Variants in GOLGA8O observed in about 807,000 individuals in gnomAD.
The protein encoded by GOLGA8O is golgin subfamily A member 8O.
GOLGA8O carries 4 observed loss-of-function variants against 29.7 expected under a neutral mutation model. The observed-to-expected ratio is 0.13, with a 90% CI of 0.07 to 0.31. GOLGA8O has a LOEUF of 0.31. Among genes scored for constraint, GOLGA8O ranks in the 10% least tolerant of loss-of-function variants. GOLGA8O has a pLI of 1.00. For missense variants in GOLGA8O, 32 were observed against 216.5 expected (o/e 0.15, Z 5.35); for synonymous variants, 6 against 78.0 (o/e 0.08, Z 4.87).
rs1297631847 is a variant in GOLGA8O, at chr15:32,455,236, C to A, written c.48+253G>T. On this transcript the variant is annotated intron_variant, in intron 1 of 18. Transcript: ENST00000509311. ...GCTTGGGGCGGCAGGAGATGACAGC[C>A]CAGTAATGGAGCGGGAAGCCCCAGG... is the stretch of plus-strand genomic sequence containing the variant. Among the ~76,000 whole-genome samples the A allele has an allele frequency of 2.1e-5, 2 of 94,506 alleles. 1 individual carries two copies. Among genetic ancestry groups the A allele is most frequent in the Non-Finnish European group, 4.4e-5 (2 of 45,292 alleles). 62.0% of individuals were successfully genotyped at this position (94,506 alleles called of 152,430 possible). A position where few individuals can be genotyped will look rare whatever the true frequency, so the allele number is the denominator to read the frequency against.
In GOLGA8O at chr15:32,445,571, CACACCCA is replaced by C; in HGVS notation, c.1567+40_1567+46del. 1.6e-3 allele frequency: 29 copies of C among 17,790 alleles called. 2 individuals carry two copies. The highest frequency in any genetic ancestry group is 9.8e-3 in the East Asian group (5 of 512). The allele number at this position is 17,790 out of a possible 1,614,324, so 1.1% of individuals were successfully genotyped here. ...CCATGCCGCTGCCTGCGCCCACCCT[CACACCCA>C]CCCCCACCCCCACCCCCACAGAGAT... is the stretch of plus-strand genomic sequence containing the variant. On this transcript the variant is annotated intron_variant, in intron 17 of 18. Transcript: ENST00000509311.
At chr15:32,459,291 C>A (rs1364997461), upstream of GOLGA8O, among the ~76,000 whole-genome samples, 8 of 70,946 alleles carry the variant, frequency 1.1e-4, 1 homozygote, top group Non-Finnish European at 2.4e-4. Flanking sequence ...GAAACTGGGT[C>A]TCAAAAAAAA....
At chr15:32,458,524 G>A (rs1271970359), upstream of GOLGA8O, among the ~76,000 whole-genome samples, 1 of 108,420 alleles carries the variant, frequency 9.2e-6, no homozygotes, top group East Asian at 2.8e-4. Flanking sequence ...ACAAGATAGA[G>A]GGATGGAGGA....
chr15:32,444,058 T>TG lies in GOLGA8O; in HGVS notation c.*1047dup, dbSNP rs1303657814. Among the ~76,000 whole-genome samples, 2 of 14,742 alleles carry TG rather than the reference T, an allele frequency of 1.4e-4. No homozygotes were observed. The highest frequency in any genetic ancestry group is 2.4e-4 in the African/African-American group (1 of 4,108). 9.7% of individuals were successfully genotyped at this position (14,742 alleles called of 152,430 possible). On this transcript the variant is annotated 3_prime_UTR_variant, in exon 19 of 19. Transcript: ENST00000509311. ...CATTCTTGACTAGAGCCTGTATGCC[T>TG]GTTCCAGGGACATTTGAACTCGTAA...
rs763539986 is a variant in GOLGA8O at position 32,451,579 on chromosome 15, C to T, written c.348+22G>A. 4.2e-5 allele frequency: 67 copies of T among 1,587,282 alleles called. 2 individuals are homozygous for T. The highest frequency in any genetic ancestry group is 3.6e-4 in the Middle Eastern group (2 of 5,592). ...CCCCCCAAACCCAGCAGTCATGTCG[C>T]GAGGAAACGAAATCACGTTACTTCT... is the stretch of plus-strand genomic sequence containing the variant. On this transcript the variant is annotated intron_variant, in intron 5 of 18. Coordinates refer to ENST00000509311, the MANE Select transcript of GOLGA8O (RefSeq NM_001277308.1).
chr15:32,458,848 T>C, upstream of GOLGA8O, among the ~76,000 whole-genome samples: 2 of 94,748 alleles, frequency 2.1e-5, no homozygotes, highest in Non-Finnish European at 4.4e-5. Context: ...GGTCTCACTA[T>C]GTTGCCCAAA....
intron 17 of GOLGA8O, 46 bp from the exon 18 acceptor site, chr15:32,445,568 CCT>C: frequency 2.0e-5 from 1 of 50,222 alleles, no homozygotes; most frequent in Non-Finnish European, 3.6e-5. Context: ...CTGCGCCCAC[CCT>C]CACACCCACC....
upstream of GOLGA8O, among the ~76,000 whole-genome samples, chr15:32,458,417 C>G (rs2055204632): frequency 1.0e-5 from 1 of 100,418 alleles, no homozygotes; most frequent in East Asian, 2.9e-4. Flanking sequence ...TTAAACAGAA[C>G]CCAAGCAAAC....
chr15:32,452,403 A>AC, intron 4 of GOLGA8O, 88 bp downstream of exon 4: 2 of 276,904 alleles, frequency 7.2e-6, no homozygotes, highest in Non-Finnish European at 1.2e-5. Flanking sequence ...GGCACCAGGG[A>AC]CCCCCAGCCC....
intron 5 of GOLGA8O, 105 bp downstream of exon 5, chr15:32,451,496 G>C: frequency 6.3e-7 from 1 of 1,585,958 alleles, no homozygotes; most frequent in Non-Finnish European, 8.6e-7. Context: ...TGAGGGGTGA[G>C]CCTTCTTCCC....
upstream of GOLGA8O, among the ~76,000 whole-genome samples, chr15:32,456,960 C>A: frequency 4.8e-5 from 1 of 20,636 alleles, no homozygotes; most frequent in Admixed American, 5.7e-4. Flanking sequence ...GAATATGATG[C>A]AAAAAGTGAA....
chr15:32,450,726 C>A (rs1452178464), intron 8 of GOLGA8O, among the ~76,000 whole-genome samples, 187 bp downstream of exon 8: 53 of 151,672 alleles, frequency 3.5e-4, no homozygotes, highest in South Asian at 3.1e-3. Context: ...CCCCACAGTA[C>A]CCCCCAACTC....
Position 32,451,501 on chromosome 15 carries a change from C to T in GOLGA8O, c.348+100G>A, listed in dbSNP as rs2055131727. Reference sequence around the variant, plus strand: ...GGGTGGAATCTGAGGGGTGAGCCTTCTTCCCCAAGCTGGGAGTGGGTGAGA... The same window carrying T: ...GGGTGGAATCTGAGGGGTGAGCCTTTTTCCCCAAGCTGGGAGTGGGTGAGA... On this transcript the variant is annotated intron_variant, in intron 5 of 18. Transcript: ENST00000509311. The T allele has an allele frequency of 8.8e-6, 14 of 1,592,240 alleles. 1 individual carries two copies. The South Asian group carries it at 1.4e-4, about 16-fold the overall frequency.
intron 1 of GOLGA8O, 63 bp downstream of exon 1, chr15:32,455,426 G>A: frequency 2.7e-6 from 1 of 370,202 alleles, no homozygotes; most frequent in East Asian, 4.2e-5. Flanking sequence ...ACTCTGGCAG[G>A]GGTCTTGTCA....
chr15:32,459,218 T>G (rs1595695212), upstream of GOLGA8O, among the ~76,000 whole-genome samples: 1 of 69,760 alleles, frequency 1.4e-5, no homozygotes, highest in African/African-American at 5.8e-5. Context: ...GCTTGAACCT[T>G]GGAGGCAGAG....
At chr15:32,450,559 G>A (rs1219960096) in intron 8 of GOLGA8O, among the ~76,000 whole-genome samples, 34 of 130,872 alleles carry the variant, frequency 2.6e-4, no homozygotes, top group African/African-American at 7.0e-4. Flanking sequence ...ACATGCACGC[G>A]TTTCCTCTTT....
chr15:32,444,174 C>CG lies in GOLGA8O; in HGVS notation c.*931_*932insC, dbSNP rs1203869997. 1.3e-5 allele frequency among the ~76,000 whole-genome samples: 1 copy of CG among 77,810 alleles called. No homozygotes were observed. Among genetic ancestry groups the CG allele is most frequent in the Non-Finnish European group, 3.0e-5 (1 of 33,776 alleles). The allele number at this position is 77,810 out of a possible 152,430, so 51.0% of individuals were successfully genotyped here. A position where few individuals can be genotyped will look rare whatever the true frequency, so the allele number is the denominator to read the frequency against. On this transcript the variant is annotated 3_prime_UTR_variant, in exon 19 of 19. Coordinates refer to ENST00000509311, the MANE Select transcript of GOLGA8O (RefSeq NM_001277308.1). ...GGGGCATGTAGTCATGTGATTAAAA[C>CG]AGGTAACATGAACTCTGACTTTAAA...
At chr15:32,451,443 T>C in intron 5 of GOLGA8O, 105 bp from the exon 6 acceptor site, 1 of 768,154 alleles carries the variant, frequency 1.3e-6, no homozygotes, top group South Asian at 1.5e-5. Context: ...GGCCCACCCA[T>C]GGGACCAGGT....
At position 32,442,229 on chromosome 15, in the gene GOLGA8O, ACT is replaced by A. The variant is rs1323247756; in HGVS notation, c.*2875_*2876del. Reference sequence around the variant, plus strand: ...TTAATAGTTATATTATTTTAAAATAACTCTTTAAAATAAAGTTTTAGAGAAAC... The same window carrying A: ...TTAATAGTTATATTATTTTAAAATAACTTTAAAATAAAGTTTTAGAGAAAC... On this transcript the variant is annotated 3_prime_UTR_variant, in exon 19 of 19. Coordinates refer to ENST00000509311, the MANE Select transcript of GOLGA8O (RefSeq NM_001277308.1). Among the ~76,000 whole-genome samples, 12 of 90,112 alleles carry A rather than the reference ACT, an allele frequency of 1.3e-4. 2 individuals are homozygous for A. The South Asian group carries it at 1.5e-3, about 11-fold the overall frequency. The allele number at this position is 90,112 out of a possible 152,430, so 59.1% of individuals were successfully genotyped here. A position where few individuals can be genotyped will look rare whatever the true frequency, so the allele number is the denominator to read the frequency against.
Sources: gnomAD v4.1 joint callset for allele counts (sites outside exome capture counted in the v4.1 genomes callset) on GRCh38, gnomAD v4.1.1 for gene constraint, MANE v1.5 for transcripts, NCBI Gene and HGNC (gene_info 2026-07-23, HGNC 2026-07-21) for gene names.